MAGI2: variants seen among roughly 807,000 people sequenced by gnomAD.
MAGI2 encodes membrane associated guanylate kinase, WW and PDZ domain containing 2, also known as membrane-associated guanylate kinase, WW and PDZ domain-containing protein 2.
Under a neutral mutation model 133.3 loss-of-function variants are expected in MAGI2, and 35 were observed. That is an observed-to-expected ratio of 0.26 (90% confidence interval 0.20 to 0.35). MAGI2 has a LOEUF of 0.35. MAGI2 is among the 10% of genes least tolerant of loss of function. MAGI2 has a pLI of 1.00. For synonymous variants in MAGI2, 729 were observed against 710.6 expected, an observed-to-expected ratio of 1.03 and a Z score of -0.41; for missense variants, 1,636 against 1,863.4, an observed-to-expected ratio of 0.88 and a Z score of 2.25.
At chr7:78,874,815 G>A (rs562707770) in intron 2 of MAGI2, among the ~76,000 whole-genome samples, 1 of 152,162 alleles carries the variant, frequency 6.6e-6, no homozygotes, top group South Asian at 2.1e-4. Flanking sequence ...TTGAAGTAAC[G>A]GATAGGCTAA....
At chr7:78,459,340 G>A (rs1789710011) in intron 6 of MAGI2, among the ~76,000 whole-genome samples, 1 of 152,180 alleles carries the variant, frequency 6.6e-6, no homozygotes, top group Non-Finnish European at 1.5e-5. Context: ...ACTTTGGTGA[G>A]TAGAGAGTCT....
rs562178759 is a variant in MAGI2 at position 78,891,695 on chromosome 7, C to T, written c.418+115395G>A. On this transcript the variant is annotated intron_variant, in intron 2 of 21. Coordinates refer to ENST00000354212, the MANE Select transcript of MAGI2 (RefSeq NM_012301.4). ...ATTCAACAACACTTCATGCTAAAATCTCTCAATAAATTAGGTACTGATGGG... is the reference window on the plus strand; with the variant it reads ...ATTCAACAACACTTCATGCTAAAATTTCTCAATAAATTAGGTACTGATGGG... Among the ~76,000 whole-genome samples, 149 of 152,250 alleles carry T rather than the reference C, an allele frequency of 9.8e-4. 2 individuals carry two copies. Among genetic ancestry groups the T allele is most frequent in the African/African-American group, 3.2e-3 (132 of 41,568 alleles).
intron 10 of MAGI2, among the ~76,000 whole-genome samples, chr7:78,243,318 C>T (rs765671181): frequency 4.6e-5 from 7 of 150,614 alleles, no homozygotes; most frequent in Non-Finnish European, 8.8e-5. Context: ...ATGTTAATAG[C>T]AATGTGGGTA....
intron 3 of MAGI2, among the ~76,000 whole-genome samples, chr7:78,610,113 T>C (rs38099): frequency 0.62 from 94,026 of 151,908 alleles, 29,715 homozygotes; most frequent in Middle Eastern, 0.74. Flanking sequence ...ATCTTGGCTA[T>C]GGGAGAAATG....
intron 20 of MAGI2, among the ~76,000 whole-genome samples, chr7:78,103,998 A>G (rs1261893597): frequency 6.6e-6 from 1 of 152,214 alleles, no homozygotes; most frequent in Non-Finnish European, 1.5e-5. Context: ...TATCTGAGCT[A>G]CGGTGGATTA....
At chr7:78,943,648 C>G (rs868364575) in intron 2 of MAGI2, among the ~76,000 whole-genome samples, 1 of 152,040 alleles carries the variant, frequency 6.6e-6, no homozygotes, top group African/African-American at 2.4e-5. Context: ...GGAACAACTA[C>G]TGACAATGTT....
intron 2 of MAGI2, among the ~76,000 whole-genome samples, chr7:78,826,817 G>C (rs1790694538): frequency 1.3e-5 from 2 of 152,082 alleles, no homozygotes; most frequent in African/African-American, 4.8e-5. Context: ...TAGGACTAAA[G>C]GCAATATAGA....
chr7:78,320,066 C>G (rs1252653110), intron 9 of MAGI2, among the ~76,000 whole-genome samples: 1 of 152,142 alleles, frequency 6.6e-6, no homozygotes, highest in Non-Finnish European at 1.5e-5. Flanking sequence ...TCTCCCGAGT[C>G]TAAACCAGGA....
At chr7:78,856,728 A>G (rs1482032839) in intron 2 of MAGI2, among the ~76,000 whole-genome samples, 3 of 152,064 alleles carry the variant, frequency 2.0e-5, no homozygotes, top group African/African-American at 7.2e-5. Flanking sequence ...TTGTCTTGGC[A>G]ATGTGGGCTC....
intron 3 of MAGI2, among the ~76,000 whole-genome samples, chr7:78,571,446 G>A (rs1253546700): frequency 1.3e-5 from 2 of 152,186 alleles, no homozygotes; most frequent in African/African-American, 2.4e-5. Context: ...GCTCAAAGAT[G>A]CTTGAAATAG....
intron 9 of MAGI2, among the ~76,000 whole-genome samples, chr7:78,332,409 G>A (rs919841252): frequency 6.6e-6 from 1 of 152,184 alleles, no homozygotes; most frequent in African/African-American, 2.4e-5. Flanking sequence ...CATTATAAAA[G>A]GAGAGTAGGC....
At chr7:78,732,339 A>G (rs1300956323) in intron 2 of MAGI2, among the ~76,000 whole-genome samples, 1 of 152,202 alleles carries the variant, frequency 6.6e-6, no homozygotes, top group Admixed American at 6.5e-5. Context: ...AAATCAGGAC[A>G]TATAGTCTGA....
At chr7:79,014,502 T>C (rs1472501915) in intron 1 of MAGI2, among the ~76,000 whole-genome samples, 2 of 152,164 alleles carry the variant, frequency 1.3e-5, no homozygotes, top group East Asian at 3.8e-4. Flanking sequence ...TTAGTTTCTT[T>C]AATTACCTAA....
At chr7:78,662,872 TG>T (rs1813126393) in intron 2 of MAGI2, among the ~76,000 whole-genome samples, 1 of 152,204 alleles carries the variant, frequency 6.6e-6, no homozygotes, top group Admixed American at 6.5e-5. Flanking sequence ...TAATAAATGC[TG>T]ACATTTACTG....
At chr7:78,961,201 A>C (rs1050365483) in intron 2 of MAGI2, among the ~76,000 whole-genome samples, 2 of 152,138 alleles carry the variant, frequency 1.3e-5, no homozygotes, top group African/African-American at 4.8e-5. Flanking sequence ...TGAGTAGCTC[A>C]AATGAAGTCA....
At chr7:79,340,766 A>G (rs1288890039) in intron 1 of MAGI2, among the ~76,000 whole-genome samples, 6 of 152,058 alleles carry the variant, frequency 3.9e-5, no homozygotes, top group Non-Finnish European at 7.4e-5. Context: ...ACGTGTGTAT[A>G]TGAATGTCCA....
intron 1 of MAGI2, among the ~76,000 whole-genome samples, chr7:79,113,386 T>C (rs1271512315): frequency 6.6e-6 from 1 of 152,232 alleles, no homozygotes; most frequent in Non-Finnish European, 1.5e-5. Flanking sequence ...TGGTGCACTT[T>C]CATTTTTGTT....
At chr7:78,327,462 G>T (rs968930833) in intron 9 of MAGI2, among the ~76,000 whole-genome samples, 3 of 152,160 alleles carry the variant, frequency 2.0e-5, no homozygotes, top group African/African-American at 7.2e-5. Context: ...TTCTCCTGTA[G>T]CCTCCCCTTT....
At chr7:78,901,571 T>C (rs1397540119) in intron 2 of MAGI2, 2 of 152,170 alleles carry the variant, frequency 1.3e-5, no homozygotes, top group East Asian at 3.9e-4. Context: ...GCACTTTGGT[T>C]ATTTTGGTGT....
Sources: allele counts gnomAD v4.1 joint callset (sites outside exome capture counted in the v4.1 genomes callset), GRCh38; gene constraint gnomAD v4.1.1; transcripts MANE v1.5; gene names NCBI Gene and HGNC (gene_info 2026-07-23, HGNC 2026-07-21).